Variants in SNTB2 observed in about 807,000 individuals in gnomAD.
SNTB2 encodes the protein beta-2-syntrophin.
SNTB2 carries 34 observed loss-of-function variants against 46.2 expected under a neutral mutation model. The ratio of observed to expected loss-of-function variants is 0.74; its 90% CI spans 0.56 to 0.98. The LOEUF is 0.98. Ranked by LOEUF, SNTB2 falls within the 50% of genes least tolerant of loss-of-function variation. The pLI, the probability that SNTB2 is intolerant of heterozygous loss-of-function variation, is 0.00. For missense variants in SNTB2, 603 were observed against 731.4 expected (o/e 0.82, Z 2.02); for synonymous variants, 290 against 312.6 (o/e 0.93, Z 0.76).
intron 1 of SNTB2, among the ~76,000 whole-genome samples, chr16:69,237,240 G>A (rs1964567375): frequency 6.6e-6 from 1 of 151,878 alleles, no homozygotes; most frequent in Admixed American, 6.6e-5. Context: ...TATAGGGATA[G>A]GAGGAGAAAA....
chr16:69,278,827 G>A (rs899007635), intron 4 of SNTB2, among the ~76,000 whole-genome samples: 8 of 151,804 alleles, frequency 5.3e-5, no homozygotes, highest in African/African-American at 1.7e-4. Flanking sequence ...TTCAATCTGG[G>A]CACTAAGGAC....
chr16:69,285,533 G>A (rs1965094439), intron 5 of SNTB2, among the ~76,000 whole-genome samples: 1 of 150,976 alleles, frequency 6.6e-6, no homozygotes, highest in African/African-American at 2.4e-5. Context: ...AGGCTGGAGT[G>A]CAGTGACATG....
In SNTB2 at chr16:69,187,306, G is replaced by A; in HGVS notation, c.140G>A (p.Ser47Asn). Residue 47 changes from serine (S) to asparagine (N), a missense_variant, in exon 1 of 7, where the codon AGC becomes AAC. Ser to Asn is a conservative substitution (Grantham distance 46). Around this residue, in one of 2 missense-constraint regions of SNTB2, gnomAD observed 537 missense variants for 692.4 expected, o/e 0.78. Coordinates refer to ENST00000336278, the MANE Select transcript of SNTB2 (RefSeq NM_006750.4). ...GTGGTGGCCGAGCTGAGCGGGGAGA[G>A]CCTGAGCCTGACGGGCGACGCCGCC... ...VRVVAELSGE[S>N]LSLTGDAAAA... 2 of 1,470,916 alleles carry A rather than the reference G, an allele frequency of 1.4e-6. No homozygotes were observed. The highest frequency in any genetic ancestry group is 1.8e-6 in the Non-Finnish European group (2 of 1,116,244). 91.1% of individuals were successfully genotyped at this position (1,470,916 alleles called of 1,614,324 possible).
chr16:69,204,861 TA>T (rs1964198151), intron 1 of SNTB2, among the ~76,000 whole-genome samples: 1 of 152,222 alleles, frequency 6.6e-6, no homozygotes, highest in African/African-American at 2.4e-5. Flanking sequence ...ATTGCTAGTT[TA>T]ACCACTGGTG....
chr16:69,256,350 A>G (rs951029972), intron 2 of SNTB2, among the ~76,000 whole-genome samples: 2 of 152,170 alleles, frequency 1.3e-5, no homozygotes, highest in Admixed American at 6.5e-5. Context: ...AAATACACAT[A>G]ACATGAAATT....
intron 1 of SNTB2, among the ~76,000 whole-genome samples, chr16:69,208,862 C>T (rs964711648): frequency 6.6e-6 from 1 of 151,726 alleles, no homozygotes; most frequent in Non-Finnish European, 1.5e-5. Context: ...ATCTGGAGTA[C>T]GAGAACCAGA....
At chr16:69,245,919 T>A in intron 2 of SNTB2, 104 bp downstream of exon 2, 1 of 1,193,512 alleles carries the variant, frequency 8.4e-7, no homozygotes, top group Non-Finnish European at 1.2e-6. Flanking sequence ...GAGGAAAACA[T>A]CTGTCTGAGG....
intron 5 of SNTB2, among the ~76,000 whole-genome samples, chr16:69,292,224 G>A (rs1167247243): frequency 6.7e-6 from 1 of 149,048 alleles, no homozygotes; most frequent in African/African-American, 2.5e-5. Flanking sequence ...GCGACAGAGC[G>A]AGACTCTGTC....
chr16:69,264,495 C>CA (rs1440559090), intron 3 of SNTB2, among the ~76,000 whole-genome samples: 3 of 151,988 alleles, frequency 2.0e-5, no homozygotes, highest in Non-Finnish European at 4.4e-5. Flanking sequence ...ATACTCTGCA[C>CA]AAAACAGTAC....
chr16:69,262,003 G>T (rs919548864), intron 3 of SNTB2, among the ~76,000 whole-genome samples: 4 of 152,104 alleles, frequency 2.6e-5, no homozygotes, highest in African/African-American at 9.7e-5. Context: ...AAGACCAGGA[G>T]CTTGAGACCA....
intron 4 of SNTB2, among the ~76,000 whole-genome samples, chr16:69,283,558 G>A (rs1306011215): frequency 6.6e-6 from 1 of 152,134 alleles, no homozygotes; most frequent in Non-Finnish European, 1.5e-5. Context: ...TATATTTTAA[G>A]CTCTTTGGCT....
chr16:69,299,034 A>G (rs961655681), intron 5 of SNTB2, among the ~76,000 whole-genome samples: 8 of 152,064 alleles, frequency 5.3e-5, no homozygotes, highest in Non-Finnish European at 1.0e-4. Flanking sequence ...CAGCCTACAC[A>G]CACTTGCCAG....
chr16:69,189,978 G>T (rs1964034928), intron 1 of SNTB2, among the ~76,000 whole-genome samples: 1 of 152,106 alleles, frequency 6.6e-6, no homozygotes, highest in Non-Finnish European at 1.5e-5. Flanking sequence ...AGCAGTTTTT[G>T]TTCTTATAAG....
In SNTB2 at chr16:69,284,348, C is replaced by T. The variant is rs543304421; in HGVS notation, c.1345+104C>T. 57 of 841,516 alleles carry T rather than the reference C, an allele frequency of 6.8e-5. No homozygotes were observed. In the East Asian group the frequency reaches 1.5e-3, roughly 22 times the overall value. 52.1% of individuals were successfully genotyped at this position (841,516 alleles called of 1,614,324 possible). ...AGTCAGTGATGGATTGCATACATGA[C>T]AGCAGTCCCCTCAGATTATACTACT... On this transcript the variant is annotated intron_variant, in intron 5 of 6. Transcript: ENST00000336278.
At position 69,267,880 on chromosome 16, in the gene SNTB2, G is replaced by A. The variant is rs75966947; in HGVS notation, c.1006-2263G>A. 9.0e-3 allele frequency among the ~76,000 whole-genome samples: 1,375 copies of A among 152,342 alleles called. 53 individuals are homozygous for A. Among genetic ancestry groups the A allele is most frequent in the East Asian group, 0.063 (329 of 5,188 alleles). On this transcript the variant is annotated intron_variant, in intron 3 of 6. Transcript: ENST00000336278. ...CTGAAGGCAACACTCTAACCGATAA[G>A]TGATTCATCAATTTGAATTCTCCTT...
intron 1 of SNTB2, among the ~76,000 whole-genome samples, chr16:69,210,985 C>T (rs1417296483): frequency 1.3e-5 from 2 of 151,984 alleles, no homozygotes; most frequent in Admixed American, 6.6e-5. Context: ...AGCGAGACTC[C>T]GTCTCAAAAA....
intron 1 of SNTB2, among the ~76,000 whole-genome samples, chr16:69,232,710 C>G (rs1413419609): frequency 6.6e-6 from 1 of 151,492 alleles, no homozygotes; most frequent in African/African-American, 2.4e-5. Flanking sequence ...TGGGGTTTCA[C>G]CATGTTGGCC....
At chr16:69,300,582 C>T (rs1965269457) in intron 6 of SNTB2, among the ~76,000 whole-genome samples, 1 of 152,184 alleles carries the variant, frequency 6.6e-6, no homozygotes, top group Non-Finnish European at 1.5e-5. Flanking sequence ...TTTAGTTCTT[C>T]CTACCAGGCA....
chr16:69,238,661 C>T (rs917691071), intron 1 of SNTB2, among the ~76,000 whole-genome samples: 1 of 152,142 alleles, frequency 6.6e-6, no homozygotes, highest in African/African-American at 2.4e-5. Context: ...CTAAAGCTGT[C>T]AAGGGGAACG....
Sources: allele counts gnomAD v4.1 joint callset (sites outside exome capture counted in the v4.1 genomes callset), GRCh38; gene constraint gnomAD v4.1.1; regional missense constraint gnomAD v4.1.1; transcripts MANE v1.5; gene names NCBI Gene and HGNC (gene_info 2026-07-23, HGNC 2026-07-21).